NEDD4L: variants seen among roughly 807,000 people sequenced by gnomAD.
NEDD4L encodes the protein E3 ubiquitin-protein ligase NEDD4-like.
A neutral mutation model predicts 148.9 loss-of-function variants in NEDD4L; 54 were observed. The ratio of observed to expected loss-of-function variants is 0.36; its 90% CI spans 0.29 to 0.45. The LOEUF is 0.45. Among genes scored for constraint, NEDD4L ranks in the 20% least tolerant of loss-of-function variants. The probability of loss-of-function intolerance (pLI) is 1.00; values close to 1 mark genes in which losing one functional copy is unlikely to be tolerated. For synonymous variants in NEDD4L, 433 were observed against 440.7 expected (o/e 0.98, Z 0.22); for missense variants, 856 against 1,233.8 (o/e 0.69, Z 4.59).
chr18:58,243,527 C>T (rs540693463), intron 2 of NEDD4L, among the ~76,000 whole-genome samples: 7 of 152,038 alleles, frequency 4.6e-5, no homozygotes, highest in East Asian at 1.9e-4. Flanking sequence ...GATTTGGGAG[C>T]GGGGCCCAGT....
chr18:58,228,345 T>C (rs1474794368), intron 2 of NEDD4L, among the ~76,000 whole-genome samples: 1 of 152,222 alleles, frequency 6.6e-6, no homozygotes, highest in Non-Finnish European at 1.5e-5. Flanking sequence ...GTTTTAACGT[T>C]ACGTGCATGC....
At chr18:58,387,719 A>G (rs962006603) in intron 27 of NEDD4L, 5 of 464,032 alleles carry the variant, frequency 1.1e-5, no homozygotes, top group Non-Finnish European at 1.4e-5. Context: ...AACAGCAAAA[A>G]TAATCAGCTG....
chr18:58,221,481 C>G (rs183229710), intron 2 of NEDD4L: 12 of 908,536 alleles, frequency 1.3e-5, no homozygotes, highest in Non-Finnish European at 1.6e-5. Flanking sequence ...GAGCTTGACG[C>G]AACCCCCTTT....
chr18:58,211,491 A>G (rs1174673293), intron 2 of NEDD4L, among the ~76,000 whole-genome samples: 1 of 152,262 alleles, frequency 6.6e-6, no homozygotes, highest in African/African-American at 2.4e-5. Flanking sequence ...TTAGTGAAGA[A>G]TGTGAAATAT....
chr18:58,331,019 C>G, intron 11 of NEDD4L, 105 bp downstream of exon 11: 1 of 1,129,876 alleles, frequency 8.9e-7, no homozygotes, highest in Non-Finnish European at 1.3e-6. Context: ...TCTTCCAGCT[C>G]CCAGCTAACT....
At chr18:58,094,900 T>TAAAAAAAAAAAAAAAA (rs1555689599) in intron 1 of NEDD4L, among the ~76,000 whole-genome samples, 1 of 129,516 alleles carries the variant, frequency 7.7e-6, no homozygotes. Flanking sequence ...AAAGAGCACT[T>TAAAAAAAAAAAAAAAA]AAAAAAAAAA....
intron 10 of NEDD4L, among the ~76,000 whole-genome samples, chr18:58,329,396 G>A (rs1009049062): frequency 1.3e-5 from 2 of 151,996 alleles, no homozygotes; most frequent in African/African-American, 4.8e-5. Flanking sequence ...TTGCTCTGTC[G>A]CCCAGGCTAG....
intron 1 of NEDD4L, among the ~76,000 whole-genome samples, chr18:58,107,008 A>G (rs1289637659): frequency 6.6e-6 from 1 of 152,174 alleles, no homozygotes; most frequent in Non-Finnish European, 1.5e-5. Context: ...GGATGTTGGA[A>G]GTCGAAGATC....
chr18:58,072,838 T>C (rs2082938004), intron 1 of NEDD4L, among the ~76,000 whole-genome samples: 1 of 151,578 alleles, frequency 6.6e-6, no homozygotes, highest in Non-Finnish European at 1.5e-5. Context: ...GACATGATCT[T>C]GTATATAGAA....
At chr18:58,082,083 T>TATACACACAC (rs1357297625) in intron 1 of NEDD4L, among the ~76,000 whole-genome samples, 9 of 90,058 alleles carry the variant, frequency 1.0e-4, no homozygotes, top group African/African-American at 4.7e-4. Context: ...CTGATGAATA[T>TATACACACAC]ATATATATAT....
Position 58,185,805 on chromosome 18 carries a change from A to G in NEDD4L, c.122+19944A>G, listed in dbSNP as rs573457526. Among the ~76,000 whole-genome samples the G allele has an allele frequency of 5.3e-5, 8 of 152,230 alleles. No individual in the cohort carries two copies. In the East Asian group the frequency reaches 1.5e-3, roughly 29 times the overall value. On this transcript the variant is annotated intron_variant, in intron 2 of 30. Coordinates refer to ENST00000400345, the MANE Select transcript of NEDD4L (RefSeq NM_001144967.3). The stretch of plus-strand genomic sequence containing the variant: ...GGAGAACCGCTTGAACCCAGGAGGC[A>G]GAGGTTGCAGTGAGCCAAGATCGCG...
At chr18:58,367,355 T>C (rs1601759136) in intron 21 of NEDD4L, 1 of 172,914 alleles carries the variant, frequency 5.8e-6, no homozygotes, top group East Asian at 1.5e-4. Context: ...GCCAAAAGCC[T>C]CTGGAAGGAA....
intron 1 of NEDD4L, among the ~76,000 whole-genome samples, chr18:58,155,681 C>T (rs1309117752): frequency 1.3e-5 from 2 of 152,100 alleles, no homozygotes; most frequent in East Asian, 3.8e-4. Flanking sequence ...CCAGGAATCT[C>T]GACGGTTTGT....
At chr18:58,173,678 A>T (rs562697401) in intron 2 of NEDD4L, among the ~76,000 whole-genome samples, 72 of 152,322 alleles carry the variant, frequency 4.7e-4, no homozygotes, top group Non-Finnish European at 4.0e-4. Context: ...TGAATTACAG[A>T]CATCATGACG....
At chr18:58,294,609 AT>A (rs5825272) in intron 5 of NEDD4L, among the ~76,000 whole-genome samples, 4 of 150,808 alleles carry the variant, frequency 2.7e-5, no homozygotes, top group African/African-American at 7.3e-5. Flanking sequence ...GACCATGTTG[AT>A]TTTTTTTTGC....
intron 13 of NEDD4L, among the ~76,000 whole-genome samples, chr18:58,338,073 C>T (rs563187433): frequency 3.2e-4 from 48 of 152,278 alleles, no homozygotes; most frequent in Non-Finnish European, 6.6e-4. Flanking sequence ...TTTTTAAAAG[C>T]ATATTGAAAC....
intron 24 of NEDD4L, among the ~76,000 whole-genome samples, chr18:58,376,119 A>G (rs911598560): frequency 1.6e-4 from 24 of 152,294 alleles, no homozygotes; most frequent in African/African-American, 5.5e-4. Context: ...ATTAAGCCAC[A>G]ATCAGAAGCA....
intron 9 of NEDD4L, among the ~76,000 whole-genome samples, chr18:58,326,894 C>G (rs1361435901): frequency 6.6e-6 from 1 of 152,168 alleles, no homozygotes; most frequent in Non-Finnish European, 1.5e-5. Flanking sequence ...AAAATATATA[C>G]TATTTTTTTG....
intron 5 of NEDD4L, among the ~76,000 whole-genome samples, chr18:58,290,437 A>ATTGGCAAATCTCGCTC (rs11269772): frequency 6.6e-6 from 1 of 151,728 alleles, no homozygotes; most frequent in East Asian, 1.9e-4. Flanking sequence ...GCTTGATGCT[A>ATTGGCAAATCTCGCTC]TTGGCAAATG....
Sources: gnomAD v4.1 joint callset for allele counts (sites outside exome capture counted in the v4.1 genomes callset) on GRCh38, gnomAD v4.1.1 for gene constraint, MANE v1.5 for transcripts, NCBI Gene and HGNC (gene_info 2026-07-23, HGNC 2026-07-21) for gene names.